The following VNN1 variants were observed in gnomAD, a reference collection of about 807,000 sequenced individuals.
VNN1 encodes vanin 1.
VNN1 carries 29 observed loss-of-function variants against 41.9 expected under a neutral mutation model. The ratio of observed to expected loss-of-function variants is 0.69; its 90% CI spans 0.52 to 0.94. The LOEUF is 0.94. Among genes scored for constraint, VNN1 ranks in the 40% least tolerant of loss-of-function variants. The pLI, the probability that VNN1 is intolerant of heterozygous loss-of-function variation, is 0.00. For missense variants in VNN1, 637 were observed against 621.1 expected (o/e 1.03, Z -0.27); for synonymous variants, 233 against 224.4 (o/e 1.04, Z -0.34).
intron 2 of VNN1, among the ~76,000 whole-genome samples, chr6:132,709,482 C>T (rs770933877): frequency 2.0e-5 from 3 of 151,970 alleles, no homozygotes; most frequent in Non-Finnish European, 2.9e-5. Flanking sequence ...ACCAGCCTGG[C>T]CAACATGGTG....
chr6:132,705,928 A>C (rs1285689244), intron 2 of VNN1, among the ~76,000 whole-genome samples: 2 of 152,192 alleles, frequency 1.3e-5, no homozygotes, highest in Non-Finnish European at 2.9e-5. Context: ...TATAAATAAA[A>C]TACAATACCT....
intron 2 of VNN1, among the ~76,000 whole-genome samples, chr6:132,704,761 G>A (rs1467708417): frequency 6.6e-6 from 1 of 151,144 alleles, no homozygotes; most frequent in African/African-American, 2.4e-5. Context: ...AAACTAAAAA[G>A]TTTCTTTTTG....
intron 5 of VNN1, 95 bp downstream of exon 5, chr6:132,692,128 C>T: frequency 5.1e-6 from 7 of 1,359,366 alleles, no homozygotes; most frequent in Non-Finnish European, 6.8e-6. Context: ...GTGTGATATG[C>T]TTATACTAAA....
Position 132,713,886 on chromosome 6 carries a change from C to G in VNN1, c.150G>C (p.Leu50Phe). 6.2e-7 allele frequency: 1 copy of G among 1,613,890 alleles called. No homozygotes were observed. Among genetic ancestry groups the G allele is most frequent in the Non-Finnish European group, 8.5e-7 (1 of 1,180,024 alleles). The change falls in exon 1 of 7, where the codon TTG becomes TTC. Residue 50 changes from leucine to phenylalanine, a missense_variant. Physicochemically the swap from Leu to Phe is conservative, Grantham distance 22. Coordinates refer to ENST00000367928, the MANE Select transcript of VNN1 (RefSeq NM_004666.3). ...TGTCCAGATTCCGATTCATTAATGCCAAAGCCTCCTCACGAGACACTGGTG... is the reference window on the plus strand; with the variant it reads ...TGTCCAGATTCCGATTCATTAATGCGAAAGCCTCCTCACGAGACACTGGTG... The part of the protein sequence containing the change: ...TLTPVSREEA[L>F]ALMNRNLDIL...
Position 132,682,608 on chromosome 6 carries a change from C to T in VNN1, c.*532G>A, listed in dbSNP as rs1778141882. ...GGTCTATCCTAATGACCTTATTTTA[C>T]CTCTTTAAAGACCCTGTCTCCAAAT... On this transcript the variant is annotated 3_prime_UTR_variant, in exon 7 of 7. Coordinates refer to ENST00000367928, the MANE Select transcript of VNN1 (RefSeq NM_004666.3). The T allele has an allele frequency of 6.6e-6, 1 of 152,446 alleles. No homozygotes were observed. Among genetic ancestry groups the T allele is most frequent in the Non-Finnish European group, 1.5e-5 (1 of 68,324 alleles). The allele number at this position is 152,446 out of a possible 1,614,324, so 9.4% of individuals were successfully genotyped here.
chr6:132,712,316 A>T (rs923147522), intron 1 of VNN1, among the ~76,000 whole-genome samples: 5 of 151,824 alleles, frequency 3.3e-5, no homozygotes, highest in Admixed American at 2.6e-4. Flanking sequence ...CGCCTGGCTA[A>T]TTTTTGTATT....
In VNN1 at chr6:132,682,965, A is replaced by T; in HGVS notation, c.*175T>A. On this transcript the variant is annotated 3_prime_UTR_variant, in exon 7 of 7. Coordinates refer to ENST00000367928, the MANE Select transcript of VNN1 (RefSeq NM_004666.3). ...AAATATAGTTTTTTAAATAAAATCT[A>T]CATTAACAGATAATTTATTAAGTTT... is the stretch of plus-strand genomic sequence containing the variant. The T allele has an allele frequency of 4.3e-6, 2 of 465,368 alleles. No individual in the cohort carries two copies. Among genetic ancestry groups the T allele is most frequent in the Non-Finnish European group, 7.0e-6 (2 of 284,482 alleles). 28.8% of individuals were successfully genotyped at this position (465,368 alleles called of 1,614,324 possible).
At chr6:132,707,566 T>A (rs1463450436) in intron 2 of VNN1, among the ~76,000 whole-genome samples, 2 of 152,188 alleles carry the variant, frequency 1.3e-5, no homozygotes, top group Non-Finnish European at 2.9e-5. Flanking sequence ...CACAATAAAG[T>A]ACTATTCAGC....
Position 132,693,409 on chromosome 6 carries a change from G to A in VNN1, c.535-94C>T. On this transcript the variant is annotated intron_variant, in intron 3 of 6. Transcript: ENST00000367928. ...AAAAAGTACAAGCTCACATCTTAGT[G>A]CCAATTTCATCTATGATCAGTGTTT... 4 of 1,241,522 alleles carry A rather than the reference G, an allele frequency of 3.2e-6. No homozygotes were observed. In the East Asian group the frequency reaches 1.0e-4, roughly 32 times the overall value. The allele number at this position is 1,241,522 out of a possible 1,614,324, so 76.9% of individuals were successfully genotyped here.
At chr6:132,685,547 A>G (rs1306599532) in intron 5 of VNN1, among the ~76,000 whole-genome samples, 1 of 152,206 alleles carries the variant, frequency 6.6e-6, no homozygotes, top group Non-Finnish European at 1.5e-5. Context: ...AGGAGGATAG[A>G]CCACAACACA....
chr6:132,708,431 A>G (rs1289569410), intron 2 of VNN1, among the ~76,000 whole-genome samples: 1 of 152,204 alleles, frequency 6.6e-6, no homozygotes, highest in Non-Finnish European at 1.5e-5. Context: ...TAAATGCTAA[A>G]TAAATTAAAT....
intron 1 of VNN1, among the ~76,000 whole-genome samples, 200 bp from the exon 2 acceptor site, chr6:132,712,039 TTTC>T (rs1481386066): frequency 6.6e-6 from 1 of 152,162 alleles, no homozygotes; most frequent in African/African-American, 2.4e-5. Context: ...TTCTTTTTCT[TTTC>T]TTTTCTTTAT....
intron 2 of VNN1, among the ~76,000 whole-genome samples, chr6:132,705,633 C>G (rs1034991286): frequency 3.3e-5 from 5 of 152,080 alleles, no homozygotes; most frequent in African/African-American, 9.7e-5. Flanking sequence ...CCATTTTCAC[C>G]ACTATTATTC....
Position 132,698,329 on chromosome 6 carries a change from A to G in VNN1, c.342-4147T>C, listed in dbSNP as rs45465104. Among the ~76,000 whole-genome samples, 1,248 of 152,366 alleles carry G rather than the reference A, an allele frequency of 8.2e-3. 7 individuals carry two copies. The highest frequency in any genetic ancestry group is 0.012 in the Admixed American group (191 of 15,308). On this transcript the variant is annotated intron_variant, in intron 2 of 6. Transcript: ENST00000367928. ...GAAAGATATTTACTAATCTAAAATC[A>G]GCACATGTTAAATATTCAACAAATA...
chr6:132,683,171 A>C lies in VNN1; in HGVS notation c.1511T>G (p.Ile504Arg). 6.2e-7 allele frequency: 1 copy of C among 1,613,626 alleles called. No individual in the cohort carries two copies. Among genetic ancestry groups the C allele is most frequent in the South Asian group, 1.1e-5 (1 of 91,028 alleles). ...AQARIIMLIV[I>R]APIVCSLSW ...ACTTAATGAGCATACAATAGGTGCT[A>C]TAACTATTAGCATTATTATTCTTGC... The change falls in exon 7 of 7, where the codon ATA (isoleucine) becomes AGA (arginine). Residue 504 changes from isoleucine to arginine, a missense_variant. Ile to Arg is a moderately conservative substitution (Grantham distance 97, BLOSUM62 -3). Coordinates refer to ENST00000367928, the MANE Select transcript of VNN1 (RefSeq NM_004666.3).
Position 132,684,253 on chromosome 6 carries a change from T to C in VNN1, c.1359+82A>G. On this transcript the variant is annotated intron_variant, in intron 6 of 6. Transcript: ENST00000367928. ...TTTCTAAATGGAAATTTTATGATATTTGTAAGCACTTGAGCAGATTTTTAT... is the reference window on the plus strand; with the variant it reads ...TTTCTAAATGGAAATTTTATGATATCTGTAAGCACTTGAGCAGATTTTTAT... 2.9e-6 allele frequency: 4 copies of C among 1,372,198 alleles called. 1 individual carries two copies. In the South Asian group the frequency reaches 4.4e-5, roughly 15 times the overall value. The allele number at this position is 1,372,198 out of a possible 1,614,324, so 85.0% of individuals were successfully genotyped here.
intron 2 of VNN1, among the ~76,000 whole-genome samples, chr6:132,704,831 A>G (rs1010580545): frequency 2.0e-5 from 3 of 152,060 alleles, no homozygotes; most frequent in African/African-American, 7.2e-5. Flanking sequence ...AAATAAACTC[A>G]GAGATGAAAA....
At chr6:132,702,368 C>T (rs1778459209) in intron 2 of VNN1, among the ~76,000 whole-genome samples, 1 of 152,124 alleles carries the variant, frequency 6.6e-6, no homozygotes, top group Admixed American at 6.6e-5. Flanking sequence ...CATACTCCAC[C>T]CTGTCCATTA....
chr6:132,692,321 G>T lies in VNN1; in HGVS notation c.1090C>A (p.His364Asn), dbSNP rs1267448038. Residue 364 changes from histidine (H) to asparagine (N), a missense_variant, in exon 5 of 7, where the codon CAT becomes AAT. Physicochemically the swap from His to Asn is moderately conservative, Grantham distance 68. Coordinates refer to ENST00000367928, the MANE Select transcript of VNN1 (RefSeq NM_004666.3). ...TTCTCAGACATTTTGTAGCTTAAAT[G>T]ACAGCAGAGATCTTTCTGACAAACT... The part of the protein sequence containing the change: ...YTVCQKDLCC[H>N]LSYKMSENIP... 1 of 1,614,194 alleles carries T rather than the reference G, an allele frequency of 6.2e-7. No individual in the cohort carries two copies. Among genetic ancestry groups the T allele is most frequent in the South Asian group, 1.1e-5 (1 of 91,082 alleles).
Sources: gnomAD v4.1 joint callset for allele counts (sites outside exome capture counted in the v4.1 genomes callset) on GRCh38, gnomAD v4.1.1 for gene constraint, MANE v1.5 for transcripts, NCBI Gene and HGNC (gene_info 2026-07-23, HGNC 2026-07-21) for gene names.